The following FNTB variants were observed in gnomAD, a reference collection of about 807,000 sequenced individuals.
FNTB encodes protein farnesyltransferase subunit beta.
Under a neutral mutation model 59.4 loss-of-function variants are expected in FNTB, and 27 were observed. That is an observed-to-expected ratio of 0.45 (90% confidence interval 0.34 to 0.63). FNTB has a LOEUF of 0.63. Among genes scored for constraint, FNTB ranks in the 20% least tolerant of loss-of-function variants. The pLI is 0.02. For synonymous variants in FNTB, 230 were observed against 220.7 expected (o/e 1.04, Z -0.37); for missense variants, 449 against 559.6 (o/e 0.80, Z 1.99).
chr14:65,000,396 G>A (rs80142476), intron 1 of FNTB, among the ~76,000 whole-genome samples: 1 of 152,092 alleles, frequency 6.6e-6, no homozygotes, highest in Admixed American at 6.6e-5. Context: ...AGAAGCTCAG[G>A]CAAAGTTAAT....
At chr14:65,006,488 C>T (rs974992214) in intron 2 of FNTB, among the ~76,000 whole-genome samples, 1 of 152,152 alleles carries the variant, frequency 6.6e-6, no homozygotes, top group Non-Finnish European at 1.5e-5. Context: ...GTAATGGTAT[C>T]CTTGGCAGTT....
At chr14:64,996,902 A>G (rs891888206) in intron 1 of FNTB, among the ~76,000 whole-genome samples, 1 of 151,776 alleles carries the variant, frequency 6.6e-6, no homozygotes, top group Admixed American at 6.6e-5. Context: ...CCTTATCATA[A>G]GTTGTGTGTG....
intron 4 of FNTB, chr14:65,022,197 C>T: frequency 2.6e-6 from 1 of 390,016 alleles, no homozygotes; most frequent in South Asian, 1.9e-5. Flanking sequence ...GTGATGCCAG[C>T]TCATGCATCT....
intron 1 of FNTB, among the ~76,000 whole-genome samples, chr14:64,996,245 A>G (rs1476200396): frequency 3.9e-5 from 6 of 152,104 alleles, no homozygotes; most frequent in Non-Finnish European, 8.8e-5. Flanking sequence ...GAAGCCAGGA[A>G]TTTGAGACCA....
intron 4 of FNTB, chr14:65,022,194 C>T (rs1810401302): frequency 2.5e-6 from 1 of 396,378 alleles, no homozygotes; most frequent in Admixed American, 2.6e-5. Context: ...GATGTGATGC[C>T]AGCTCATGCA....
At chr14:65,015,517 C>G (rs113774465) in intron 3 of FNTB, 108 bp from the exon 4 acceptor site, 5 of 1,024,150 alleles carry the variant, frequency 4.9e-6, no homozygotes, top group Non-Finnish European at 5.6e-6. Flanking sequence ...GCAAGGGTGC[C>G]CTCCTCCCCC....
chr14:65,014,722 G>A lies in FNTB; in HGVS notation c.283-903G>A, dbSNP rs1258352145. 2.0e-5 allele frequency among the ~76,000 whole-genome samples: 3 copies of A among 152,268 alleles called. No individual in the cohort carries two copies. The East Asian group carries it at 5.8e-4, about 29-fold the overall frequency. ...CCAGCTACTTAGGAGGCTGAGGTGGGAGGATTGCTTGAGCCCGGGAGGTTG... is the reference window on the plus strand; with the variant it reads ...CCAGCTACTTAGGAGGCTGAGGTGGAAGGATTGCTTGAGCCCGGGAGGTTG... On this transcript the variant is annotated intron_variant, in intron 3 of 11. Coordinates refer to ENST00000246166, the MANE Select transcript of FNTB (RefSeq NM_002028.4). The surrounding 1 kb of genome is among the most constrained non-coding windows in gnomAD (Gnocchi z 5.1).
At position 65,015,610 on chromosome 14, in the gene FNTB, C is replaced by T. The variant is rs781118297; in HGVS notation, c.283-15C>T. ...TTGTGAATAAGGGATGTTTTCTCTC[C>T]TGTCTCTCTCCCAGTGTCTGGATGC... is the stretch of plus-strand genomic sequence containing the variant. On this transcript the variant is annotated splice_polypyrimidine_tract_variant and intron_variant, in intron 3 of 11. Transcript: ENST00000246166. 2.5e-6 allele frequency: 4 copies of T among 1,613,714 alleles called. No individual in the cohort carries two copies. In the African/African-American group the frequency reaches 4.0e-5, roughly 16 times the overall value.
rs1025509401 is a variant in FNTB at position 64,991,986 on chromosome 14, C to T, written c.144+4889C>T. ...GGCCACCACATATCCTAAGGAGGGA[C>T]CAGCGGAACAGAATCCTGACCTGCT... On this transcript the variant is annotated intron_variant, in intron 1 of 11. Transcript: ENST00000246166. This position sits in a 1 kb window ranked among gnomAD's most constrained non-coding sequence, Gnocchi z 4.4. 6.6e-6 allele frequency among the ~76,000 whole-genome samples: 1 copy of T among 152,094 alleles called. No individual in the cohort carries two copies. Among genetic ancestry groups the T allele is most frequent in the Non-Finnish European group, 1.5e-5 (1 of 68,014 alleles).
At chr14:65,021,861 G>A in intron 4 of FNTB, 1 of 448,088 alleles carries the variant, frequency 2.2e-6, no homozygotes. Context: ...GGCCAGGCTG[G>A]TCTCAAACTC....
At chr14:65,056,890 A>T (rs2062748571) in intron 11 of FNTB, among the ~76,000 whole-genome samples, 1 of 152,218 alleles carries the variant, frequency 6.6e-6, no homozygotes, top group Non-Finnish European at 1.5e-5. Flanking sequence ...TAGACTGAGA[A>T]ATTCAAGGGC....
Position 64,987,097 on chromosome 14 carries a change from G to T in FNTB, c.144G>T (p.Gln48His). 1 of 1,614,190 alleles carries T rather than the reference G, an allele frequency of 6.2e-7. No homozygotes were observed. Among genetic ancestry groups the T allele is most frequent in the Non-Finnish European group, 8.5e-7 (1 of 1,180,052 alleles). ...DSVETVTSIEQAKVEEKIQEV... is the reference protein window; with the variant it reads ...DSVETVTSIEHAKVEEKIQEV... ...TGGAAACAGTCACGTCCATAGAACAGGTGAGGTGGCAGGACTGGGCGAGGC... is the reference window on the plus strand; with the variant it reads ...TGGAAACAGTCACGTCCATAGAACATGTGAGGTGGCAGGACTGGGCGAGGC... The change falls in exon 1 of 12, where the codon CAG becomes CAT. Residue 48 changes from glutamine (Q) to histidine (H), a missense_variant and splice_region_variant. Transcript: ENST00000246166.
At position 65,030,706 on chromosome 14, in the gene FNTB, C is replaced by T. The variant is rs372056588; in HGVS notation, c.606-1904C>T. ...AGTGAGCCATGATAGCGCCACTGCA[C>T]TGCAGCCTGGGCAACAAAGTGAGAT... On this transcript the variant is annotated intron_variant, in intron 6 of 11. Coordinates refer to ENST00000246166, the MANE Select transcript of FNTB (RefSeq NM_002028.4). This position sits in a 1 kb window ranked among gnomAD's most constrained non-coding sequence, Gnocchi z 4.5. Among the ~76,000 whole-genome samples, 10 of 151,770 alleles carry T rather than the reference C, an allele frequency of 6.6e-5. No homozygotes were observed. In the South Asian group the frequency reaches 1.0e-3, roughly 16 times the overall value.
intron 1 of FNTB, among the ~76,000 whole-genome samples, chr14:64,993,158 G>T (rs1888268213): frequency 6.6e-6 from 1 of 152,172 alleles, no homozygotes; most frequent in Non-Finnish European, 1.5e-5. Flanking sequence ...GGCCAGGCAT[G>T]GTGACTGATG....
chr14:65,005,511 T>TTCTTTCTTTC (rs1555390096), intron 2 of FNTB, among the ~76,000 whole-genome samples: 3 of 64,458 alleles, frequency 4.7e-5, no homozygotes, highest in South Asian at 8.1e-4. Context: ...CTTTCTTTCT[T>TTCTTTCTTTC]TCTCTCTCTC....
rs1370396459 is a variant in FNTB at position 65,029,012 on chromosome 14, A to G, written c.605+1231A>G. Reference sequence around the variant, plus strand: ...TATTTGCTATCTTATTCATTCCAGCACTTTTTTTTTCCCTATGCTCTTTAT... The same window carrying G: ...TATTTGCTATCTTATTCATTCCAGCGCTTTTTTTTTCCCTATGCTCTTTAT... On this transcript the variant is annotated intron_variant, in intron 6 of 11. Coordinates refer to ENST00000246166, the MANE Select transcript of FNTB (RefSeq NM_002028.4). This position sits in a 1 kb window ranked among gnomAD's most constrained non-coding sequence, Gnocchi z 4.7. Among the ~76,000 whole-genome samples the G allele has an allele frequency of 6.6e-6, 1 of 151,964 alleles. No individual in the cohort carries two copies. Among genetic ancestry groups the G allele is most frequent in the Admixed American group, 6.6e-5 (1 of 15,254 alleles).
intron 4 of FNTB, among the ~76,000 whole-genome samples, chr14:65,026,873 CAAAAA>C (rs1458666302): frequency 6.6e-6 from 1 of 150,860 alleles, no homozygotes; most frequent in Non-Finnish European, 1.5e-5. Context: ...AAAAAAAAAA[CAAAAA>C]AACAAAACTT....
Position 65,029,539 on chromosome 14 carries a change from A to G in FNTB, c.605+1758A>G, listed in dbSNP as rs1293077011. 6.6e-6 allele frequency among the ~76,000 whole-genome samples: 1 copy of G among 152,230 alleles called. No individual in the cohort carries two copies. Among genetic ancestry groups the G allele is most frequent in the Non-Finnish European group, 1.5e-5 (1 of 68,038 alleles). ...AAAAATCAAATCACAGTGAACTCAT[A>G]GCAAGCACTATTTTTTCTCAGTTCT... On this transcript the variant is annotated intron_variant, in intron 6 of 11. Coordinates refer to ENST00000246166, the MANE Select transcript of FNTB (RefSeq NM_002028.4). This position sits in a 1 kb window ranked among gnomAD's most constrained non-coding sequence, Gnocchi z 4.7.
At chr14:65,042,992 G>T (rs1330208304) in intron 8 of FNTB, among the ~76,000 whole-genome samples, 1 of 152,190 alleles carries the variant, frequency 6.6e-6, no homozygotes, top group East Asian at 1.9e-4. Context: ...GCCTTGAAGA[G>T]GGAATAATCT....
Sources: allele counts gnomAD v4.1 joint callset (sites outside exome capture counted in the v4.1 genomes callset), GRCh38; gene constraint gnomAD v4.1.1; non-coding constraint Gnocchi (gnomAD v3.1); transcripts MANE v1.5; gene names NCBI Gene and HGNC (gene_info 2026-07-23, HGNC 2026-07-21).